Variants in TJP2 observed in about 807,000 individuals in gnomAD.
TJP2 encodes tight junction protein 2, also known as Friedreich ataxia region gene X104 (tight junction protein ZO-2).
In TJP2, 91 loss-of-function variants were observed where a neutral mutation model predicts 133.1. The observed-to-expected ratio is 0.68, with a 90% CI of 0.58 to 0.81. The LOEUF is 0.81. Ranked by LOEUF, TJP2 falls within the 40% of genes least tolerant of loss-of-function variation. The pLI is 0.00. For missense variants in TJP2, 1,541 were observed against 1,565.6 expected (o/e 0.98, Z 0.26); for synonymous variants, 592 against 583.4 (o/e 1.01, Z -0.21).
chr9:69,209,303 T>G (rs1442765770), intron 1 of TJP2, among the ~76,000 whole-genome samples: 1 of 152,096 alleles, frequency 6.6e-6, no homozygotes, highest in Non-Finnish European at 1.5e-5. Flanking sequence ...CGGCTAATTT[T>G]TTGTGTTTTT....
intron 20 of TJP2, chr9:69,249,814 G>A (rs1831200423): frequency 1.2e-5 from 11 of 956,124 alleles, no homozygotes; most frequent in Non-Finnish European, 1.2e-5. Context: ...ATCGCAGAAC[G>A]TGTTTTTCTT....
At position 69,238,812 on chromosome 9, in the gene TJP2, C is replaced by A. The variant is rs750705578; in HGVS notation, c.2355+23C>A. On this transcript the variant is annotated intron_variant, in intron 16 of 22. Coordinates refer to ENST00000377245, the MANE Select transcript of TJP2 (RefSeq NM_004817.4). ...CAGGTGAGAAAATTCATCCACAGAC[C>A]GTGTTTTCAGAAAGAATTAGATTAT... The A allele has an allele frequency of 2.2e-5, 34 of 1,571,908 alleles. No homozygotes were observed. The South Asian group carries it at 3.3e-4, about 15-fold the overall frequency.
At chr9:69,243,327 A>G (rs1003554463) in intron 17 of TJP2, among the ~76,000 whole-genome samples, 2 of 152,204 alleles carry the variant, frequency 1.3e-5, no homozygotes, top group Admixed American at 6.5e-5. Flanking sequence ...TTGCAAAGTA[A>G]TAAGAAAGCT....
chr9:69,200,780 CT>C, intron 1 of TJP2, among the ~76,000 whole-genome samples: 1 of 152,084 alleles, frequency 6.6e-6, no homozygotes, highest in African/African-American at 2.4e-5. Flanking sequence ...CCTAAATGTA[CT>C]AAGCTTGTTT....
chr9:69,249,168 G>A lies in TJP2; in HGVS notation c.2881-207G>A, dbSNP rs537443678. On this transcript the variant is annotated intron_variant, in intron 19 of 22. Coordinates refer to ENST00000377245, the MANE Select transcript of TJP2 (RefSeq NM_004817.4). Reference sequence around the variant, plus strand: ...GTTCTTAAAAAATTGTGCTTTAAAGGAAGAGACTCTACATTGGATGCAGCC... The same window carrying A: ...GTTCTTAAAAAATTGTGCTTTAAAGAAAGAGACTCTACATTGGATGCAGCC... 38 of 985,378 alleles carry A rather than the reference G, an allele frequency of 3.9e-5. No individual in the cohort carries two copies. In the African/African-American group the frequency reaches 5.9e-4, roughly 15 times the overall value. The allele number at this position is 985,378 out of a possible 1,614,324, so 61.0% of individuals were successfully genotyped here. A position where few individuals can be genotyped will look rare whatever the true frequency, so the allele number is the denominator to read the frequency against.
chr9:69,164,955 G>A (rs1333714673), intron 2 of TJP2, among the ~76,000 whole-genome samples: 3 of 152,060 alleles, frequency 2.0e-5, no homozygotes, highest in African/African-American at 7.2e-5. Flanking sequence ...TCAGCTTCCC[G>A]AGTAGCTGGG....
At chr9:69,165,638 A>G (rs1249765717) in intron 2 of TJP2, among the ~76,000 whole-genome samples, 1 of 152,198 alleles carries the variant, frequency 6.6e-6, no homozygotes, top group African/African-American at 2.4e-5. Flanking sequence ...ACTGCTTCTC[A>G]GTGGAGGGCT....
chr9:69,138,688 C>T (rs550268097), intron 1 of TJP2, among the ~76,000 whole-genome samples: 2 of 152,154 alleles, frequency 1.3e-5, no homozygotes, highest in South Asian at 2.1e-4. Flanking sequence ...GAGGCCAAGG[C>T]GGGAGGATCA....
At chr9:69,153,246 C>T (rs778041105) in intron 2 of TJP2, among the ~76,000 whole-genome samples, 19 of 151,734 alleles carry the variant, frequency 1.3e-4, no homozygotes, top group Admixed American at 3.3e-4. Flanking sequence ...AACAAAAAAA[C>T]GTCCCAAACA....
chr9:69,184,494 A>T (rs1008151427), intron 1 of TJP2, among the ~76,000 whole-genome samples: 7 of 152,188 alleles, frequency 4.6e-5, no homozygotes, highest in African/African-American at 1.7e-4. Context: ...TAGGAAGAAG[A>T]AAAACAAATG....
At position 69,236,831 on chromosome 9, in the gene TJP2, A is replaced by C. The variant is rs1307468741; in HGVS notation, c.1992-118A>C. ...ATTTCCCACCCTCTGAAACTTCTTC[A>C]TTGTCAAGCGGAATCTTCTCTGAGC... On this transcript the variant is annotated intron_variant, in intron 13 of 22. Coordinates refer to ENST00000377245, the MANE Select transcript of TJP2 (RefSeq NM_004817.4). The C allele has an allele frequency of 7.3e-6, 9 of 1,231,570 alleles. No homozygotes were observed. The African/African-American group carries it at 7.4e-5, about 10-fold the overall frequency. The allele number at this position is 1,231,570 out of a possible 1,614,324, so 76.3% of individuals were successfully genotyped here.
At chr9:69,193,777 A>G (rs543165735) in intron 1 of TJP2, among the ~76,000 whole-genome samples, 107 of 151,426 alleles carry the variant, frequency 7.1e-4, no homozygotes, top group Non-Finnish European at 1.3e-3. Context: ...CTTTGGCTCC[A>G]CATTTGATAC....
rs144864659 is a variant in TJP2 at position 69,213,498 on chromosome 9, A to C, written c.114+897A>C. On this transcript the variant is annotated intron_variant, in intron 2 of 22. Transcript: ENST00000377245. ...CTCCTAGAGGGACCATAAGTTCCTC[A>C]TAGGAAGAGTTTTCCTTTGACCCTC... Among the ~76,000 whole-genome samples the C allele has an allele frequency of 4.8e-3, 731 of 152,348 alleles. 5 individuals carry two copies. Among genetic ancestry groups the C allele is most frequent in the Non-Finnish European group, 7.4e-3 (504 of 68,024 alleles).
chr9:69,151,358 G>A lies in TJP2; in HGVS notation c.-130-293G>A, dbSNP rs553780689. Among the ~76,000 whole-genome samples the A allele has an allele frequency of 8.8e-4, 134 of 152,152 alleles. 2 individuals carry two copies. Among genetic ancestry groups the A allele is most frequent in the African/African-American group, 3.1e-3 (128 of 41,528 alleles). Reference sequence around the variant, plus strand: ...TAGCCGGGCGTGGTGGCGCATGCCTGTAATCCCAGCTTTCCGGGAGGTTGA... The same window carrying A: ...TAGCCGGGCGTGGTGGCGCATGCCTATAATCCCAGCTTTCCGGGAGGTTGA... On this transcript the variant is annotated intron_variant, in intron 1 of 5. Coordinates refer to the TJP2 transcript ENST00000423935.
chr9:69,172,192 G>A (rs1175584330), upstream of TJP2, among the ~76,000 whole-genome samples: 2 of 152,248 alleles, frequency 1.3e-5, no homozygotes, highest in East Asian at 3.8e-4. Flanking sequence ...TCTCCAAAGA[G>A]TTGTATTGAT....
At chr9:69,165,856 T>C (rs965696093) in intron 2 of TJP2, among the ~76,000 whole-genome samples, 1 of 152,160 alleles carries the variant, frequency 6.6e-6, no homozygotes, top group African/African-American at 2.4e-5. Flanking sequence ...ACGTGTGCCA[T>C]AGGATGCTTC....
intron 17 of TJP2, among the ~76,000 whole-genome samples, chr9:69,245,371 G>A (rs1408152095): frequency 6.6e-6 from 1 of 152,176 alleles, no homozygotes; most frequent in Non-Finnish European, 1.5e-5. Flanking sequence ...AAGAGGCCAT[G>A]GCAATGTAGT....
intron 1 of TJP2, among the ~76,000 whole-genome samples, chr9:69,147,964 GC>G (rs1365332054): frequency 4.7e-5 from 7 of 148,838 alleles, no homozygotes; most frequent in African/African-American, 1.7e-4. Context: ...AGCTCTTGCT[GC>G]CCAGGCTGGA....
intron 1 of TJP2, among the ~76,000 whole-genome samples, chr9:69,200,275 G>A (rs1826892251): frequency 6.6e-6 from 1 of 152,142 alleles, no homozygotes. Context: ...CTTCAGCATG[G>A]AGCTGTGGGA....
Sources: gnomAD v4.1 joint callset for allele counts (sites outside exome capture counted in the v4.1 genomes callset) on GRCh38, gnomAD v4.1.1 for gene constraint, MANE v1.5 for transcripts, NCBI Gene and HGNC (gene_info 2026-07-23, HGNC 2026-07-21) for gene names.